COPS7A: variants seen among roughly 807,000 people sequenced by gnomAD.
COPS7A encodes the protein COP9 signalosome complex subunit 7a.
Under a neutral mutation model 35.2 loss-of-function variants are expected in COPS7A, and 20 were observed. The ratio of observed to expected loss-of-function variants is 0.57; its 90% CI spans 0.40 to 0.83. COPS7A has a LOEUF of 0.83. Ranked by LOEUF, COPS7A falls within the 40% of genes least tolerant of loss-of-function variation. The pLI, the probability that COPS7A is intolerant of heterozygous loss-of-function variation, is 0.00. For missense variants in COPS7A, 247 were observed against 347.5 expected, an observed-to-expected ratio of 0.71 and a Z score of 2.30; for synonymous variants, 139 against 141.4, an observed-to-expected ratio of 0.98 and a Z score of 0.12.
chr12:6,725,754 A>T, intron 2 of COPS7A: 1 of 456,052 alleles, frequency 2.2e-6, no homozygotes, highest in Non-Finnish European at 4.4e-6. Context: ...ACATGCTGAC[A>T]GTGGTATGTG....
rs568289551 is a variant in COPS7A, at chr12:6,725,364, A to G, written c.162+546A>G. On this transcript the variant is annotated intron_variant, in intron 2 of 7. Transcript: ENST00000543155. ...AGTAGAGATGGGATTTCACTGTGTT[A>G]GCCAGGATGATCTCGATCTCCTGAC... Among the ~76,000 whole-genome samples the G allele has an allele frequency of 9.2e-5, 14 of 152,164 alleles. No individual in the cohort carries two copies. In the East Asian group the frequency reaches 1.9e-3, roughly 21 times the overall value.
rs1251575365 is a variant in COPS7A at position 6,731,046 on chromosome 12, T to G, written c.*7T>G. The G allele has an allele frequency of 1.2e-6, 2 of 1,614,114 alleles. No homozygotes were observed. The highest frequency in any genetic ancestry group is 1.7e-6 in the Non-Finnish European group (2 of 1,180,006). On this transcript the variant is annotated 3_prime_UTR_variant, in exon 8 of 8. Transcript: ENST00000543155. Reference sequence around the variant, plus strand: ...TTGGTCCAAGTCGAATTGAAAGGACTGTCGTTTCCTCCCTGGGGATGTGGG... The same window carrying G: ...TTGGTCCAAGTCGAATTGAAAGGACGGTCGTTTCCTCCCTGGGGATGTGGG...
rs112468500 is a variant in COPS7A, at chr12:6,731,787, TA to T, written c.*759del. The T allele has an allele frequency of 1.4e-3, 203 of 145,852 alleles. 1 individual carries two copies. The highest frequency in any genetic ancestry group is 5.1e-3 in the Admixed American group (74 of 14,584). The allele number at this position is 145,852 out of a possible 1,614,324, so 9.0% of individuals were successfully genotyped here. A position where few individuals can be genotyped will look rare whatever the true frequency, so the allele number is the denominator to read the frequency against. On this transcript the variant is annotated 3_prime_UTR_variant, in exon 8 of 8. Transcript: ENST00000543155. ...GAAGGGAAGGGTATATAGATTGTATTAAAAAAAAAAAGGTATATATGCATAT... is the reference window on the plus strand; with the variant it reads ...GAAGGGAAGGGTATATAGATTGTATTAAAAAAAAAAGGTATATATGCATAT...
At position 6,727,961 on chromosome 12, in the gene COPS7A, G is replaced by C; in HGVS notation, c.198G>C (p.Leu66=). 6.2e-7 allele frequency: 1 copy of C among 1,614,144 alleles called. No homozygotes were observed. The highest frequency in any genetic ancestry group is 8.5e-7 in the Non-Finnish European group (1 of 1,180,022). Residue 66 remains leucine, a synonymous_variant, in exon 3 of 8, where the codon CTG becomes CTC. Transcript: ENST00000543155. ...AESDFASTFR[L]LTVFAYGTYA... Reference sequence around the variant, plus strand: ...GTGACTTTGCCTCTACCTTCCGGCTGCTCACAGTGTTTGCTTATGGGACAT... The same window carrying C: ...GTGACTTTGCCTCTACCTTCCGGCTCCTCACAGTGTTTGCTTATGGGACAT...
At chr12:6,727,791 A>G (rs1386957474) in intron 2 of COPS7A, 135 bp from the exon 3 acceptor site, 14 of 768,498 alleles carry the variant, frequency 1.8e-5, no homozygotes, top group Non-Finnish European at 2.3e-6. Flanking sequence ...GAGGCAGAGA[A>G]CTCCTTTTGG....
chr12:6,731,142 T>C lies in COPS7A; in HGVS notation c.*103T>C, dbSNP rs1297067818. The C allele has an allele frequency of 6.2e-7, 1 of 1,609,170 alleles. No homozygotes were observed. Among genetic ancestry groups the C allele is most frequent in the African/African-American group, 1.3e-5 (1 of 74,854 alleles). ...TGTGCCCCTGGCCAGCTGATAATCC[T>C]AGGTTCATGACCCTTCACCTCCCCT... is the stretch of plus-strand genomic sequence containing the variant. On this transcript the variant is annotated 3_prime_UTR_variant, in exon 8 of 8. Transcript: ENST00000543155.
intron 7 of COPS7A, 41 bp from the exon 8 acceptor site, chr12:6,730,959 A>G: frequency 6.3e-7 from 1 of 1,578,318 alleles, no homozygotes; most frequent in Non-Finnish European, 8.7e-7. Context: ...GATTCCCTGC[A>G]TTCTCTCTCT....
Position 6,724,451 on chromosome 12 carries a change from G to A in COPS7A, c.-43-163G>A. ...GGGGTGGGTGTGGCAGCCTTGCGAAGTGGCTGACTTTAGGATTCCTAGATC... is the reference window on the plus strand; with the variant it reads ...GGGGTGGGTGTGGCAGCCTTGCGAAATGGCTGACTTTAGGATTCCTAGATC... On this transcript the variant is annotated intron_variant, in intron 1 of 7. Transcript: ENST00000543155. 2.3e-5 allele frequency: 15 copies of A among 639,688 alleles called. 1 individual carries two copies. The highest frequency in any genetic ancestry group is 5.0e-4 in the Middle Eastern group (2 of 3,972). The allele number at this position is 639,688 out of a possible 1,614,324, so 39.6% of individuals were successfully genotyped here.
chr12:6,725,187 T>C (rs1008037804), intron 2 of COPS7A, among the ~76,000 whole-genome samples: 5 of 150,918 alleles, frequency 3.3e-5, no homozygotes, highest in Admixed American at 6.6e-5. Context: ...GACGGAGTCT[T>C]GCTCTGTCAC....
rs1232093629 is a variant in COPS7A at position 6,727,978 on chromosome 12, A to T, written c.215A>T (p.Tyr72Phe). 6.2e-7 allele frequency: 1 copy of T among 1,614,096 alleles called. No individual in the cohort carries two copies. Among genetic ancestry groups the T allele is most frequent in the East Asian group, 2.2e-5 (1 of 44,876 alleles). Reference sequence around the variant, plus strand: ...TTCCGGCTGCTCACAGTGTTTGCTTATGGGACATACGCTGACTACTTAGGT... The same window carrying T: ...TTCCGGCTGCTCACAGTGTTTGCTTTTGGGACATACGCTGACTACTTAGGT... ...STFRLLTVFA[Y>F]GTYADYLAEA... Residue 72 changes from tyrosine to phenylalanine, a missense_variant, in exon 3 of 8, where the codon TAT becomes TTT. Tyr to Phe is a conservative substitution (Grantham distance 22). Coordinates refer to ENST00000543155, the MANE Select transcript of COPS7A (RefSeq NM_001164094.2).
At chr12:6,725,759 T>C (rs1941237483) in intron 2 of COPS7A, 1 of 455,804 alleles carries the variant, frequency 2.2e-6, no homozygotes, top group African/African-American at 2.0e-5. Context: ...CTGACAGTGG[T>C]ATGTGGGTAA....
intron 2 of COPS7A, among the ~76,000 whole-genome samples, chr12:6,726,886 A>G (rs1238793501): frequency 1.3e-5 from 2 of 152,236 alleles, no homozygotes; most frequent in Non-Finnish European, 2.9e-5. Flanking sequence ...TTGAAGAGAG[A>G]AGATGAATGG....
intron 5 of COPS7A, among the ~76,000 whole-genome samples, chr12:6,730,096 G>T (rs1941354283): frequency 6.6e-6 from 1 of 152,154 alleles, no homozygotes; most frequent in Admixed American, 6.5e-5. Flanking sequence ...ACTCACTGCA[G>T]CCTCCAACTT....
chr12:6,726,171 G>A (rs563650309), intron 2 of COPS7A, among the ~76,000 whole-genome samples: 3 of 152,162 alleles, frequency 2.0e-5, no homozygotes, highest in East Asian at 1.9e-4. Context: ...AAAATTAGCC[G>A]GGTGTGGTGG....
At position 6,724,160 on chromosome 12, in the gene COPS7A, C is replaced by G. The variant is rs1347400340; in HGVS notation, c.-63C>G. 1 of 252,036 alleles carries G rather than the reference C, an allele frequency of 4.0e-6. No homozygotes were observed. Among genetic ancestry groups the G allele is most frequent in the African/African-American group, 2.4e-5 (1 of 42,440 alleles). The allele number at this position is 252,036 out of a possible 1,614,324, so 15.6% of individuals were successfully genotyped here. A position where few individuals can be genotyped will look rare whatever the true frequency, so the allele number is the denominator to read the frequency against. Reference sequence around the variant, plus strand: ...GGAGGTCGAAGCTTCCAGGTAGCGGCCCGCAGAGCCTGACCCAGGGTACGA... The same window carrying G: ...GGAGGTCGAAGCTTCCAGGTAGCGGGCCGCAGAGCCTGACCCAGGGTACGA... On this transcript the variant is annotated 5_prime_UTR_variant, in exon 1 of 8. Coordinates refer to ENST00000543155, the MANE Select transcript of COPS7A (RefSeq NM_001164094.2).
At chr12:6,727,367 G>A (rs532916186) in intron 2 of COPS7A, among the ~76,000 whole-genome samples, 1 of 147,836 alleles carries the variant, frequency 6.8e-6, no homozygotes, top group East Asian at 2.0e-4. Context: ...GTGCCAGAAT[G>A]AGTGATCCAT....
At chr12:6,726,189 C>T (rs1311169485) in intron 2 of COPS7A, among the ~76,000 whole-genome samples, 1 of 151,974 alleles carries the variant, frequency 6.6e-6, no homozygotes, top group African/African-American at 2.4e-5. Context: ...TGGCGGGCGC[C>T]TGTAGTCCCA....
intron 2 of COPS7A, 37 bp from the exon 3 acceptor site, chr12:6,727,889 A>C: frequency 6.2e-7 from 1 of 1,605,044 alleles, no homozygotes; most frequent in African/African-American, 1.3e-5. Flanking sequence ...TGGAGAGGGA[A>C]GACTTCCCGT....
chr12:6,730,412 T>C lies in COPS7A; in HGVS notation c.541T>C (p.Cys181Arg). 1 of 1,614,034 alleles carries C rather than the reference T, an allele frequency of 6.2e-7. No homozygotes were observed. Among genetic ancestry groups the C allele is most frequent in the Non-Finnish European group, 8.5e-7 (1 of 1,179,954 alleles). Residue 181 changes from cysteine to arginine, a missense_variant, in exon 6 of 8, where the codon TGT (cysteine) becomes CGT (arginine). Coordinates refer to ENST00000543155, the MANE Select transcript of COPS7A (RefSeq NM_001164094.2). ...CCCTGACTCCTGCAGGTGTGTGGGC[T>C]GTGAGGTCGTGCTGTCAGGCATTGA... Reference protein sequence around the residue: ...ARTLQEWCVGCEVVLSGIEEQ... With the variant: ...ARTLQEWCVGREVVLSGIEEQ...
Sources: allele counts gnomAD v4.1 joint callset (sites outside exome capture counted in the v4.1 genomes callset), GRCh38; gene constraint gnomAD v4.1.1; transcripts MANE v1.5; gene names NCBI Gene and HGNC (gene_info 2026-07-23, HGNC 2026-07-21).